The following CRTAC1 variants were observed in gnomAD, a reference collection of about 807,000 sequenced individuals.
CRTAC1 encodes cartilage acidic protein 1, also known as acidic secreted protein in cartilage.
A neutral mutation model predicts 67.8 loss-of-function variants in CRTAC1; 37 were observed. That is an observed-to-expected ratio of 0.55 (90% confidence interval 0.42 to 0.72). The LOEUF (loss-of-function observed/expected upper bound fraction) is 0.72. Among genes scored for constraint, CRTAC1 ranks in the 30% least tolerant of loss-of-function variants. The probability of loss-of-function intolerance (pLI) is 0.00; values close to 1 mark genes in which losing one functional copy is unlikely to be tolerated. For synonymous variants in CRTAC1, 348 were observed against 371.0 expected, an observed-to-expected ratio of 0.94 and a Z score of 0.71; for missense variants, 780 against 931.6, an observed-to-expected ratio of 0.84 and a Z score of 2.12.
At position 97,901,587 on chromosome 10, in the gene CRTAC1, G is replaced by A. The variant is rs1367487851; in HGVS notation, c.1049C>T (p.Thr350Ile). ...SMPSPVRTVITADFDNDQELE... is the reference protein window; with the variant it reads ...SMPSPVRTVIIADFDNDQELE... Reference sequence around the variant, plus strand: ...CTCCTGGTCATTGTCAAAGTCGGCGGTGATGACCGTGCGGACAGGGGAGGG... The same window carrying A: ...CTCCTGGTCATTGTCAAAGTCGGCGATGATGACCGTGCGGACAGGGGAGGG... Residue 350 changes from threonine (T) to isoleucine (I), a missense_variant, in exon 8 of 15, where the codon ACC becomes ATC. Coordinates refer to ENST00000370597, the MANE Select transcript of CRTAC1 (RefSeq NM_018058.7). 2 of 1,614,236 alleles carry A rather than the reference G, an allele frequency of 1.2e-6. No homozygotes were observed. The highest frequency in any genetic ancestry group is 1.7e-6 in the Non-Finnish European group (2 of 1,180,048).
Position 98,018,231 on chromosome 10 carries a change from A to AAG in CRTAC1, c.25-6896_25-6895dup, listed in dbSNP as rs751415654. ...AAAAAAAAAAAAAAAAAAAAAAAAA[A>AAG]AGAGAGAGAGAGAGAGACCAACATT... On this transcript the variant is annotated intron_variant, in intron 1 of 14. Transcript: ENST00000370597. Among the ~76,000 whole-genome samples the AAG allele has an allele frequency of 4.8e-3, 677 of 141,876 alleles. 7 individuals are homozygous for AAG. The highest frequency in any genetic ancestry group is 0.013 in the African/African-American group (444 of 35,436). The allele number at this position is 141,876 out of a possible 152,430, so 93.1% of individuals were successfully genotyped here.
intron 2 of CRTAC1, among the ~76,000 whole-genome samples, chr10:97,974,905 C>T (rs2051773601): frequency 6.6e-6 from 1 of 152,048 alleles, no homozygotes; most frequent in South Asian, 2.1e-4. Context: ...GCTGCCTCGG[C>T]GCAGACAGGA....
At chr10:97,946,553 G>C (rs1285706930) in intron 2 of CRTAC1, among the ~76,000 whole-genome samples, 1 of 152,306 alleles carries the variant, frequency 6.6e-6, no homozygotes, top group East Asian at 1.9e-4. Flanking sequence ...CAAGAGCTGG[G>C]AGCCTGTGGT....
At chr10:97,971,590 G>T (rs758621580) in intron 2 of CRTAC1, among the ~76,000 whole-genome samples, 17 of 152,192 alleles carry the variant, frequency 1.1e-4, no homozygotes, top group Non-Finnish European at 2.4e-4. Context: ...GGTGATGATG[G>T]TTGCACAACA....
chr10:97,962,160 G>A (rs747634315), intron 2 of CRTAC1, among the ~76,000 whole-genome samples: 3 of 152,158 alleles, frequency 2.0e-5, no homozygotes, highest in African/African-American at 7.2e-5. Context: ...CTCAGGTCAC[G>A]AGGGTTGGGG....
intron 2 of CRTAC1, among the ~76,000 whole-genome samples, chr10:98,007,258 T>C (rs1590286277): frequency 6.6e-6 from 1 of 152,150 alleles, no homozygotes; most frequent in Non-Finnish European, 1.5e-5. Flanking sequence ...CCGAATACTA[T>C]AGGTGTGGTC....
chr10:97,918,144 G>A (rs948918365), intron 4 of CRTAC1, among the ~76,000 whole-genome samples: 1 of 151,962 alleles, frequency 6.6e-6, no homozygotes, highest in Non-Finnish European at 1.5e-5. Context: ...TTCCCACCCC[G>A]CGCTTCTTCA....
At chr10:97,939,679 G>A (rs1268339341) in intron 2 of CRTAC1, among the ~76,000 whole-genome samples, 1 of 152,022 alleles carries the variant, frequency 6.6e-6, no homozygotes, top group Non-Finnish European at 1.5e-5. Context: ...GCTTCTTCTT[G>A]AGGCTGACGT....
intron 11 of CRTAC1, among the ~76,000 whole-genome samples, chr10:97,887,550 A>G (rs2050305157): frequency 6.6e-6 from 1 of 152,168 alleles, no homozygotes; most frequent in African/African-American, 2.4e-5. Context: ...AGCGGGACTT[A>G]GTTTTGAGTA....
chr10:97,872,125 C>G (rs575465340), intron 14 of CRTAC1, among the ~76,000 whole-genome samples: 189 of 148,474 alleles, frequency 1.3e-3, no homozygotes, highest in African/African-American at 4.6e-3. Context: ...CCCACCCCCA[C>G]CTCCCCCTAT....
At chr10:97,969,789 G>T (rs1243725079) in intron 2 of CRTAC1, among the ~76,000 whole-genome samples, 1 of 152,062 alleles carries the variant, frequency 6.6e-6, no homozygotes, top group Non-Finnish European at 1.5e-5. Flanking sequence ...GGTGCAAATG[G>T]TTGCTGACGC....
chr10:97,927,747 G>A (rs895278869), intron 3 of CRTAC1, among the ~76,000 whole-genome samples: 2 of 152,268 alleles, frequency 1.3e-5, no homozygotes, highest in African/African-American at 2.4e-5. Context: ...AGGCCTGGGC[G>A]ACGGGAGAGA....
intron 2 of CRTAC1, among the ~76,000 whole-genome samples, chr10:97,962,591 T>A (rs532866589): frequency 9.2e-5 from 14 of 152,228 alleles, no homozygotes; most frequent in Non-Finnish European, 1.6e-4. Flanking sequence ...TTCCACTGGG[T>A]TTCACAAGGA....
intron 14 of CRTAC1, chr10:97,878,766 C>A: frequency 8.0e-7 from 1 of 1,252,030 alleles, no homozygotes; most frequent in South Asian, 1.3e-5. Context: ...AGGAAAGGCC[C>A]TTAGGGATAT....
At chr10:97,896,044 C>A in intron 9 of CRTAC1, 59 bp from the exon 10 acceptor site, 2 of 1,465,634 alleles carry the variant, frequency 1.4e-6, no homozygotes, top group South Asian at 1.1e-5. Context: ...AAAGGAGACA[C>A]GCTCCCAACC....
rs535883123 is a variant in CRTAC1, at chr10:97,891,488, C to T, written c.1486+3757G>A. ...TGCCCAGAACAAAACTGATTTCTCTCGCCTGAGTCCTCTCATGGCCACGGG... is the reference window on the plus strand; with the variant it reads ...TGCCCAGAACAAAACTGATTTCTCTTGCCTGAGTCCTCTCATGGCCACGGG... On this transcript the variant is annotated intron_variant, in intron 11 of 14. Transcript: ENST00000370597. Among the ~76,000 whole-genome samples, 45 of 152,374 alleles carry T rather than the reference C, an allele frequency of 3.0e-4. 1 individual carries two copies. The South Asian group carries it at 4.1e-3, about 14-fold the overall frequency.
At chr10:97,936,419 G>A in intron 2 of CRTAC1, 53 bp from the exon 3 acceptor site, 2 of 1,470,592 alleles carry the variant, frequency 1.4e-6, no homozygotes, top group South Asian at 1.2e-5. Flanking sequence ...GGCCCACCCA[G>A]TCCCATCCAA....
chr10:97,968,138 G>A (rs2051648452), intron 2 of CRTAC1, among the ~76,000 whole-genome samples: 1 of 152,212 alleles, frequency 6.6e-6, no homozygotes, highest in Non-Finnish European at 1.5e-5. Context: ...TATGAAAGGG[G>A]AACGATGCTG....
chr10:97,936,098 A>G, intron 3 of CRTAC1, 72 bp downstream of exon 3: 1 of 1,425,774 alleles, frequency 7.0e-7, no homozygotes, highest in Non-Finnish European at 9.6e-7. Flanking sequence ...CAGGGTTCCC[A>G]TGGCCCTCCC....
Sources: gnomAD v4.1 joint callset for allele counts (sites outside exome capture counted in the v4.1 genomes callset) on GRCh38, gnomAD v4.1.1 for gene constraint, MANE v1.5 for transcripts, NCBI Gene and HGNC (gene_info 2026-07-23, HGNC 2026-07-21) for gene names.